WAC: variants seen among roughly 807,000 people sequenced by gnomAD.
The protein encoded by WAC is WW domain-containing adapter protein with coiled-coil.
A neutral mutation model predicts 79.6 loss-of-function variants in WAC; 11 were observed. That is an observed-to-expected ratio of 0.14 (90% CI 0.09 to 0.23). The LOEUF (loss-of-function observed/expected upper bound fraction) is 0.23. Among genes scored for constraint, WAC ranks in the 10% least tolerant of loss-of-function variants. WAC has a pLI of 1.00. For synonymous variants in WAC, 304 were observed against 276.9 expected (o/e 1.10, Z -0.97); for missense variants, 728 against 773.5 (o/e 0.94, Z 0.70).
Position 28,550,768 on chromosome 10 carries a change from T to C in WAC, c.274+15011T>C, listed in dbSNP as rs74127255. On this transcript the variant is annotated intron_variant, in intron 3 of 13. Coordinates refer to ENST00000354911, the MANE Select transcript of WAC (RefSeq NM_016628.5). ...TATTATTTGTGGAGGAAGCAAATAG[T>C]CTATTCAGGCTTTCAGGAAAATGTG... Among the ~76,000 whole-genome samples, 1,010 of 152,306 alleles carry C rather than the reference T, an allele frequency of 6.6e-3. 10 individuals are homozygous for C. Among genetic ancestry groups the C allele is most frequent in the African/African-American group, 0.019 (806 of 41,566 alleles).
Position 28,597,390 on chromosome 10 carries a change from G to T in WAC, c.919+1349G>T, listed in dbSNP as rs1840432030. Among the ~76,000 whole-genome samples, 3 of 152,058 alleles carry T rather than the reference G, an allele frequency of 2.0e-5. No homozygotes were observed. In the South Asian group the frequency reaches 6.2e-4, roughly 32 times the overall value. The stretch of plus-strand genomic sequence containing the variant: ...AGAAAATTTTACTTTAACAATCCTT[G>T]TCAGTTAAAATTCTGATGACCCTTT... On this transcript the variant is annotated intron_variant, in intron 7 of 13. Coordinates refer to ENST00000354911, the MANE Select transcript of WAC (RefSeq NM_016628.5).
At chr10:28,596,904 C>CTGA (rs1840399477) in intron 7 of WAC, among the ~76,000 whole-genome samples, 1 of 152,154 alleles carries the variant, frequency 6.6e-6, no homozygotes, top group South Asian at 2.1e-4. Flanking sequence ...TCTTTTGTTT[C>CTGA]TGATTTCCTC....
At chr10:28,558,481 A>T (rs1838120244) in intron 3 of WAC, among the ~76,000 whole-genome samples, 1 of 152,108 alleles carries the variant, frequency 6.6e-6, no homozygotes, top group Non-Finnish European at 1.5e-5. Context: ...TGATTGGCTG[A>T]GTGTGTTTCA....
In WAC at chr10:28,586,228, A is replaced by G. The variant is rs1253400322; in HGVS notation, c.381+2723A>G. Among the ~76,000 whole-genome samples the G allele has an allele frequency of 4.6e-5, 7 of 152,294 alleles. No individual in the cohort carries two copies. The East Asian group carries it at 1.4e-3, about 29-fold the overall frequency. On this transcript the variant is annotated intron_variant, in intron 4 of 13. Coordinates refer to ENST00000354911, the MANE Select transcript of WAC (RefSeq NM_016628.5). Reference sequence around the variant, plus strand: ...GTTAACTATTAAAAACCAAGTTGAAATTATCTTTTATTTTCAGTATCAGAT... The same window carrying G: ...GTTAACTATTAAAAACCAAGTTGAAGTTATCTTTTATTTTCAGTATCAGAT...
chr10:28,601,102 G>A (rs1589226421), intron 7 of WAC, among the ~76,000 whole-genome samples: 1 of 152,128 alleles, frequency 6.6e-6, no homozygotes, highest in Admixed American at 6.6e-5. Flanking sequence ...GACTTCGTCA[G>A]TATTAAAAAC....
intron 3 of WAC, among the ~76,000 whole-genome samples, chr10:28,556,227 C>G (rs183902633): frequency 1.3e-5 from 2 of 151,438 alleles, no homozygotes; most frequent in Admixed American, 1.3e-4. Flanking sequence ...AACACTTAAC[C>G]TCTTGTTTTT....
chr10:28,581,369 C>T (rs67484203), intron 3 of WAC, among the ~76,000 whole-genome samples: 8,530 of 149,450 alleles, frequency 0.057, 331 homozygotes, highest in Non-Finnish European at 0.081. Context: ...CTAGTGCAAG[C>T]CACTGTGCCT....
intron 3 of WAC, among the ~76,000 whole-genome samples, chr10:28,561,998 A>AC (rs1483721131): frequency 6.6e-6 from 1 of 152,130 alleles, no homozygotes; most frequent in Non-Finnish European, 1.5e-5. Flanking sequence ...GGGTGCAGAG[A>AC]CTAGGAGCTG....
chr10:28,560,383 G>A (rs1260319845), intron 3 of WAC, among the ~76,000 whole-genome samples: 1 of 152,000 alleles, frequency 6.6e-6, no homozygotes, highest in Admixed American at 6.6e-5. Context: ...TGTGTGGGGG[G>A]CACGATTTTA....
chr10:28,537,661 T>G (rs979585296), intron 3 of WAC: 5 of 152,232 alleles, frequency 3.3e-5, no homozygotes, highest in African/African-American at 1.2e-4. Context: ...AACATTTGTG[T>G]GATACTCCTG....
At chr10:28,551,784 TTGTGTGTGTGTGTGTGTGTG>T (rs71769370) in intron 3 of WAC, among the ~76,000 whole-genome samples, 5 of 124,808 alleles carry the variant, frequency 4.0e-5, no homozygotes, top group African/African-American at 1.6e-4. Flanking sequence ...TCCTGTCTAC[TTGTGTGTGTGTGTGTGTGTG>T]TGTGTGTGTG....
chr10:28,617,715 G>C lies in WAC; in HGVS notation c.1805G>C (p.Cys602Ser), dbSNP rs1410432324. 2 of 1,598,376 alleles carry C rather than the reference G, an allele frequency of 1.3e-6. No homozygotes were observed. The highest frequency in any genetic ancestry group is 2.3e-5 in the East Asian group (1 of 44,344). ...GGAACTATTCACATGTCCGAAATTTGTACTGAATTAAAAAATTTAAGATCT... is the reference window on the plus strand; with the variant it reads ...GGAACTATTCACATGTCCGAAATTTCTACTGAATTAAAAAATTTAAGATCT... ...NMGTIHMSEI[C>S]TELKNLRSLV... Residue 602 changes from cysteine to serine, a missense_variant, in exon 13 of 14, where the codon TGT becomes TCT. By Grantham distance (112) the Cys-to-Ser change is moderately radical (BLOSUM62 -1). Coordinates refer to ENST00000354911, the MANE Select transcript of WAC (RefSeq NM_016628.5).
At chr10:28,556,329 ATACCTGTC>A (rs1163997708) in intron 3 of WAC, among the ~76,000 whole-genome samples, 1 of 144,672 alleles carries the variant, frequency 6.9e-6, no homozygotes, top group Non-Finnish European at 1.5e-5. Context: ...ACTTTTTAAT[ATACCTGTC>A]AACCATTTGT....
At chr10:28,612,183 A>T (rs1841272989) in intron 10 of WAC, among the ~76,000 whole-genome samples, 1 of 152,232 alleles carries the variant, frequency 6.6e-6, no homozygotes, top group Admixed American at 6.5e-5. Flanking sequence ...GAGTGAGATA[A>T]AGAGGATATA....
intron 4 of WAC, among the ~76,000 whole-genome samples, chr10:28,584,496 G>C (rs1300480530): frequency 1.3e-5 from 2 of 152,018 alleles, no homozygotes; most frequent in African/African-American, 4.8e-5. Context: ...GCAGTGGAGA[G>C]GTATTGAAGG....
intron 3 of WAC, among the ~76,000 whole-genome samples, chr10:28,548,844 A>T (rs936816950): frequency 2.0e-5 from 3 of 152,120 alleles, no homozygotes; most frequent in Non-Finnish European, 4.4e-5. Context: ...TGAGCATTTG[A>T]AATGTGGCTA....
chr10:28,561,833 A>G (rs1056501850), intron 3 of WAC, among the ~76,000 whole-genome samples: 7 of 152,154 alleles, frequency 4.6e-5, no homozygotes, highest in African/African-American at 1.7e-4. Context: ...TGTGCATGCG[A>G]GGAATCTAGG....
Position 28,590,758 on chromosome 10 carries a change from A to G in WAC, c.536A>G (p.Asn179Ser). 6.2e-7 allele frequency: 1 copy of G among 1,611,640 alleles called. No homozygotes were observed. Among genetic ancestry groups the G allele is most frequent in the Non-Finnish European group, 8.5e-7 (1 of 1,179,308 alleles). ...RQKEANKMAV[N>S]SFPKDRDYRR... ...AAAGAAGCAAACAAGATGGCAGTCA[A>G]CAGCTTCCCAAAAGATAGGGATTAC... The change falls in exon 6 of 14, where the codon AAC (asparagine) becomes AGC (serine). Residue 179 changes from asparagine (N) to serine (S), a missense_variant. Asn to Ser is a conservative substitution (Grantham distance 46). Transcript: ENST00000354911.
At chr10:28,560,284 C>G (rs1838229264) in intron 3 of WAC, among the ~76,000 whole-genome samples, 1 of 152,150 alleles carries the variant, frequency 6.6e-6, no homozygotes, top group African/African-American at 2.4e-5. Context: ...TCACAGATAG[C>G]TTGAGACTAG....
Sources: allele counts gnomAD v4.1 joint callset (sites outside exome capture counted in the v4.1 genomes callset), GRCh38; gene constraint gnomAD v4.1.1; transcripts MANE v1.5; gene names NCBI Gene and HGNC (gene_info 2026-07-23, HGNC 2026-07-21).